Variants in CANX observed in about 807,000 individuals in gnomAD.
CANX encodes the protein calnexin.
In CANX, 14 loss-of-function variants were observed where a neutral mutation model predicts 75.7. That is an observed-to-expected ratio of 0.19 (90% CI 0.12 to 0.29). CANX has a LOEUF of 0.29. Ranked by LOEUF, CANX falls within the 10% of genes least tolerant of loss-of-function variation. CANX has a pLI of 1.00. For synonymous variants in CANX, 227 were observed against 236.9 expected, an observed-to-expected ratio of 0.96 and a Z score of 0.38; for missense variants, 567 against 713.2, an observed-to-expected ratio of 0.79 and a Z score of 2.34.
At chr5:179,680,199 C>T (rs1562426551) in intron 1 of CANX, among the ~76,000 whole-genome samples, 1 of 151,986 alleles carries the variant, frequency 6.6e-6, no homozygotes. Flanking sequence ...GAAGGTGGAC[C>T]AGTGCACTAT....
Position 179,730,554 on chromosome 5 carries a change from G to A in CANX, c.*1910G>A, listed in dbSNP as rs1054377244. On this transcript the variant is annotated 3_prime_UTR_variant, in exon 15 of 15. Transcript: ENST00000247461. ...ACCCTCCGTTGACAGTATATGTCATGCCTCACTTTCTTCTAGCTGAGCTTT... is the reference window on the plus strand; with the variant it reads ...ACCCTCCGTTGACAGTATATGTCATACCTCACTTTCTTCTAGCTGAGCTTT... The A allele has an allele frequency of 4.6e-5, 7 of 152,194 alleles. No individual in the cohort carries two copies. The highest frequency in any genetic ancestry group is 3.3e-4 in the Admixed American group (5 of 15,274). The allele number at this position is 152,194 out of a possible 1,614,324, so 9.4% of individuals were successfully genotyped here.
At chr5:179,719,282 A>T (rs1310584987) in intron 8 of CANX, among the ~76,000 whole-genome samples, 1 of 151,952 alleles carries the variant, frequency 6.6e-6, no homozygotes, top group Non-Finnish European at 1.5e-5. Flanking sequence ...TGTTTTTATG[A>T]GTCTTTTTTA....
intron 7 of CANX, among the ~76,000 whole-genome samples, chr5:179,715,509 G>A (rs1777880650): frequency 6.6e-6 from 1 of 152,174 alleles, no homozygotes; most frequent in Non-Finnish European, 1.5e-5. Context: ...CTGCACTCCA[G>A]CCTGGGAGAC....
In CANX at chr5:179,708,959, CT is replaced by C; in HGVS notation, c.447-15del. 1.5e-6 allele frequency: 2 copies of C among 1,338,220 alleles called. No individual in the cohort carries two copies. The highest frequency in any genetic ancestry group is 2.2e-6 in the Non-Finnish European group (2 of 928,446). 82.9% of individuals were successfully genotyped at this position (1,338,220 alleles called of 1,614,324 possible). A position where few individuals can be genotyped will look rare whatever the true frequency, so the allele number is the denominator to read the frequency against. On this transcript the variant is annotated intron_variant, in intron 5 of 14. Coordinates refer to ENST00000247461, the MANE Select transcript of CANX (RefSeq NM_001746.4). ...TTTCAAAATGCCATACAGTTTTCTG[CT>C]TTTCTCTCTGATATTAGGTATGAGG... is the stretch of plus-strand genomic sequence containing the variant.
chr5:179,711,374 ATCTTGCCACT>A (rs1777540521), intron 7 of CANX, among the ~76,000 whole-genome samples: 1 of 151,766 alleles, frequency 6.6e-6, no homozygotes, highest in Non-Finnish European at 1.5e-5. Flanking sequence ...GTGAGCCATG[ATCTTGCCACT>A]GCACTGTAGC....
chr5:179,722,792 T>A lies in CANX; in HGVS notation c.1183-12T>A. On this transcript the variant is annotated splice_polypyrimidine_tract_variant and intron_variant, in intron 10 of 14. Transcript: ENST00000247461. ...TATCTGAAATGATTTTCTGAAACATTTTTTTTTCTAGGGAATCTGGAAACC... is the reference window on the plus strand; with the variant it reads ...TATCTGAAATGATTTTCTGAAACATATTTTTTTCTAGGGAATCTGGAAACC... 1.9e-6 allele frequency: 3 copies of A among 1,573,424 alleles called. No homozygotes were observed. The highest frequency in any genetic ancestry group is 2.6e-6 in the Non-Finnish European group (3 of 1,148,018).
intron 14 of CANX, among the ~76,000 whole-genome samples, chr5:179,727,131 G>A (rs1056134835): frequency 3.9e-5 from 6 of 152,168 alleles, no homozygotes; most frequent in African/African-American, 1.4e-4. Flanking sequence ...TGTCCCCGTT[G>A]TCCATAGATG....
chr5:179,707,380 C>T (rs762963325), intron 4 of CANX, among the ~76,000 whole-genome samples, 190 bp downstream of exon 4: 2 of 152,070 alleles, frequency 1.3e-5, no homozygotes, highest in East Asian at 1.9e-4. Context: ...GTCAGGAGAT[C>T]GAGACCATCC....
intron 1 of CANX, chr5:179,679,379 G>T: frequency 1.1e-6 from 1 of 908,516 alleles, no homozygotes; most frequent in African/African-American, 1.7e-5. Context: ...TGTCTCACCA[G>T]CTGCTGGCCA....
At chr5:179,697,869 C>A (rs1446934397), upstream of CANX, among the ~76,000 whole-genome samples, 1 of 152,072 alleles carries the variant, frequency 6.6e-6, no homozygotes, top group Non-Finnish European at 1.5e-5. Context: ...GCCTGAGCGA[C>A]AGAGCAAGAC....
At chr5:179,704,527 GAA>G (rs548978305) in intron 1 of CANX, 8 of 134,360 alleles carry the variant, frequency 6.0e-5, no homozygotes, top group Non-Finnish European at 7.9e-5. Context: ...CTCATCTCAG[GAA>G]AAAAAAAAAA....
upstream of CANX, among the ~76,000 whole-genome samples, chr5:179,696,395 C>T (rs895471346): frequency 1.3e-5 from 2 of 151,328 alleles, no homozygotes; most frequent in Non-Finnish European, 2.9e-5. Flanking sequence ...CCTGCCTCAG[C>T]CACCCGAGTA....
rs950794933 is a variant in CANX at position 179,707,270 on chromosome 5, T to G, written c.304+80T>G. On this transcript the variant is annotated intron_variant, in intron 4 of 14. Transcript: ENST00000247461. ...CTCCATGGCATTTCCTAAGACTAGT[T>G]TAAAAGGACATAGTAGGCTTTAAGA... is the stretch of plus-strand genomic sequence containing the variant. 10 of 855,584 alleles carry G rather than the reference T, an allele frequency of 1.2e-5. No homozygotes were observed. The African/African-American group carries it at 1.7e-4, about 14-fold the overall frequency. The allele number at this position is 855,584 out of a possible 1,614,324, so 53.0% of individuals were successfully genotyped here.
At position 179,699,014 on chromosome 5, in the gene CANX, G is replaced by C. The variant is rs1251957766; in HGVS notation, c.-92G>C. The C allele has an allele frequency of 2.0e-5, 22 of 1,118,270 alleles. No homozygotes were observed. Among genetic ancestry groups the C allele is most frequent in the Non-Finnish European group, 2.4e-5 (22 of 908,466 alleles). The allele number at this position is 1,118,270 out of a possible 1,614,324, so 69.3% of individuals were successfully genotyped here. ...TTCTGCGGCACGTGACGGTCGGGCC[G>C]CCTCCGCCTCTCTCTTTACTGCGGC... is the stretch of plus-strand genomic sequence containing the variant. On this transcript the variant is annotated 5_prime_UTR_variant, in exon 1 of 15. Transcript: ENST00000247461.
chr5:179,708,963 T>C lies in CANX; in HGVS notation c.447-15T>C, dbSNP rs750390477. On this transcript the variant is annotated splice_polypyrimidine_tract_variant and intron_variant, in intron 5 of 14. Coordinates refer to ENST00000247461, the MANE Select transcript of CANX (RefSeq NM_001746.4). ...AAAATGCCATACAGTTTTCTGCTTT[T>C]CTCTCTGATATTAGGTATGAGGTTA... 7.2e-7 allele frequency: 1 copy of C among 1,382,990 alleles called. No individual in the cohort carries two copies. Among genetic ancestry groups the C allele is most frequent in the Admixed American group, 1.7e-5 (1 of 59,710 alleles). 85.7% of individuals were successfully genotyped at this position (1,382,990 alleles called of 1,614,324 possible).
At position 179,713,872 on chromosome 5, in the gene CANX, G is replaced by A. The variant is rs138463486; in HGVS notation, c.722-2233G>A. On this transcript the variant is annotated intron_variant, in intron 7 of 14. Coordinates refer to ENST00000247461, the MANE Select transcript of CANX (RefSeq NM_001746.4). ...CGAGATTGCAGTGAGCTATGATTGG[G>A]CCACTGCACTCCAGCGTGGGTCACA... is the stretch of plus-strand genomic sequence containing the variant. Among the ~76,000 whole-genome samples, 416 of 152,248 alleles carry A rather than the reference G, an allele frequency of 2.7e-3. 1 individual carries two copies. The highest frequency in any genetic ancestry group is 9.5e-3 in the African/African-American group (394 of 41,554).
chr5:179,710,870 T>A (rs1048937709), intron 7 of CANX, among the ~76,000 whole-genome samples: 1 of 151,132 alleles, frequency 6.6e-6, no homozygotes, highest in African/African-American at 2.4e-5. Context: ...ATGGCCAACA[T>A]GGTAAAACCC....
intron 7 of CANX, among the ~76,000 whole-genome samples, chr5:179,712,826 C>T (rs1483042822): frequency 2.6e-5 from 4 of 151,758 alleles, no homozygotes; most frequent in South Asian, 2.1e-4. Flanking sequence ...CGGGTTCAAG[C>T]GATTCTCTTG....
At chr5:179,711,560 G>T (rs892203419) in intron 7 of CANX, among the ~76,000 whole-genome samples, 1 of 152,076 alleles carries the variant, frequency 6.6e-6, no homozygotes, top group South Asian at 2.1e-4. Flanking sequence ...TGGCCGAGGT[G>T]GGCGGATCAC....
Sources: gnomAD v4.1 joint callset for allele counts (sites outside exome capture counted in the v4.1 genomes callset) on GRCh38, gnomAD v4.1.1 for gene constraint, MANE v1.5 for transcripts, NCBI Gene and HGNC (gene_info 2026-07-23, HGNC 2026-07-21) for gene names.